CSMD1: variants seen among roughly 807,000 people sequenced by gnomAD.
The protein encoded by CSMD1 is CUB and sushi domain-containing protein 1.
A neutral mutation model predicts 417.5 loss-of-function variants in CSMD1; 213 were observed. That is an observed-to-expected ratio of 0.51 (90% CI 0.46 to 0.57). The LOEUF is 0.57. Among genes scored for constraint, CSMD1 ranks in the 20% least tolerant of loss-of-function variants. CSMD1 has a pLI of 0.00. For missense variants in CSMD1, 6,923 were observed against 4,529.7 expected (o/e 1.53, Z -15.17); for synonymous variants, 2,862 against 1,736.8 (o/e 1.65, Z -16.11).
intron 26 of CSMD1, among the ~76,000 whole-genome samples, chr8:3,240,784 A>G (rs1265674073): frequency 1.3e-5 from 2 of 152,190 alleles, no homozygotes; most frequent in Admixed American, 1.3e-4. Context: ...GTGGATAGGC[A>G]AAACAATCTG....
chr8:4,966,212 A>G, intron 1 of CSMD1, among the ~76,000 whole-genome samples: 1 of 130,632 alleles, frequency 7.7e-6, no homozygotes, highest in African/African-American at 2.7e-5. Flanking sequence ...AAATATACAA[A>G]AAAAAAAAAA....
chr8:4,180,252 A>G (rs972370222), intron 3 of CSMD1, among the ~76,000 whole-genome samples: 5 of 152,116 alleles, frequency 3.3e-5, no homozygotes, highest in Admixed American at 3.3e-4. Flanking sequence ...CAGCAATAAA[A>G]AATGATGAGT....
chr8:4,281,104 A>G (rs62478566), intron 3 of CSMD1, among the ~76,000 whole-genome samples: 17,017 of 152,218 alleles, frequency 0.11, 1,195 homozygotes, highest in Non-Finnish European at 0.16. Context: ...CCAGGATGGT[A>G]TGAGGCCTCT....
intron 40 of CSMD1, among the ~76,000 whole-genome samples, chr8:3,148,377 T>C (rs565168062): frequency 6.6e-6 from 1 of 152,160 alleles, no homozygotes; most frequent in Non-Finnish European, 1.5e-5. Context: ...CTGACAAGAA[T>C]AAGGCAAGGT....
chr8:3,049,932 C>T (rs112533879), intron 50 of CSMD1, among the ~76,000 whole-genome samples: 1 of 151,942 alleles, frequency 6.6e-6, no homozygotes, highest in Non-Finnish European at 1.5e-5. Flanking sequence ...AAACTACTCT[C>T]GAGAACAACG....
At chr8:4,900,068 G>C (rs556183338) in intron 1 of CSMD1, among the ~76,000 whole-genome samples, 29 of 152,104 alleles carry the variant, frequency 1.9e-4, no homozygotes, top group African/African-American at 6.5e-4. Context: ...CTCCATCTCT[G>C]GTAGTTCCTT....
At chr8:3,996,294 G>A (rs972601434) in intron 5 of CSMD1, among the ~76,000 whole-genome samples, 11 of 152,120 alleles carry the variant, frequency 7.2e-5, no homozygotes, top group African/African-American at 2.7e-4. Flanking sequence ...TATAACTTCT[G>A]AGAATGAGTC....
intron 3 of CSMD1, among the ~76,000 whole-genome samples, chr8:4,269,120 G>C (rs1047679913): frequency 1.3e-5 from 2 of 152,138 alleles, no homozygotes; most frequent in African/African-American, 2.4e-5. Context: ...GCAGTGGTGT[G>C]ATCTTGGCTC....
chr8:3,693,823 T>C (rs933965516), intron 7 of CSMD1, among the ~76,000 whole-genome samples: 24 of 150,924 alleles, frequency 1.6e-4, no homozygotes, highest in East Asian at 1.4e-3. Context: ...GTGTTTGTTA[T>C]GGTGTGTGTG....
At chr8:4,041,104 C>G (rs367665493) in intron 3 of CSMD1, among the ~76,000 whole-genome samples, 1 of 149,946 alleles carries the variant, frequency 6.7e-6, no homozygotes, top group Admixed American at 6.6e-5. Context: ...GCAAGCTCCG[C>G]CTCCCGGGTT....
At chr8:4,058,950 C>T (rs1227860384) in intron 3 of CSMD1, among the ~76,000 whole-genome samples, 1 of 152,056 alleles carries the variant, frequency 6.6e-6, no homozygotes, top group Non-Finnish European at 1.5e-5. Flanking sequence ...GCCTAACAGA[C>T]ATCTACAGAA....
intron 2 of CSMD1, among the ~76,000 whole-genome samples, chr8:4,477,087 G>A (rs968760736): frequency 1.3e-5 from 2 of 152,204 alleles, no homozygotes; most frequent in Admixed American, 6.5e-5. Flanking sequence ...GGGAAGAGCA[G>A]GTGTGAGCAC....
chr8:3,050,939 A>T (rs1225093841), intron 50 of CSMD1, among the ~76,000 whole-genome samples: 1 of 152,196 alleles, frequency 6.6e-6, no homozygotes, highest in Non-Finnish European at 1.5e-5. Flanking sequence ...TAAATAAGTA[A>T]AAAAATAGCA....
chr8:4,690,958 A>ACAAT, intron 1 of CSMD1, among the ~76,000 whole-genome samples: 1 of 152,096 alleles, frequency 6.6e-6, no homozygotes, highest in Non-Finnish European at 1.5e-5. Context: ...TGCTCTCTTG[A>ACAAT]GCTCATGATC....
chr8:3,012,002 G>A (rs1418948541), intron 52 of CSMD1, among the ~76,000 whole-genome samples: 1 of 152,200 alleles, frequency 6.6e-6, no homozygotes, highest in Non-Finnish European at 1.5e-5. Flanking sequence ...CTGTGGCCTG[G>A]GGAGAGGTGT....
At chr8:3,854,824 C>G (rs560516432) in intron 5 of CSMD1, among the ~76,000 whole-genome samples, 2 of 151,758 alleles carry the variant, frequency 1.3e-5, no homozygotes, top group African/African-American at 4.8e-5. Flanking sequence ...TATTACTAAA[C>G]ATAACAAAAA....
chr8:4,731,869 A>G (rs140539272), intron 1 of CSMD1, among the ~76,000 whole-genome samples: 2,139 of 152,258 alleles, frequency 0.014, 21 homozygotes, highest in Non-Finnish European at 0.022. Context: ...TTAGTACTGT[A>G]TTTTTATTCT....
chr8:4,427,900 G>A (rs899840423), intron 2 of CSMD1, among the ~76,000 whole-genome samples: 4 of 152,002 alleles, frequency 2.6e-5, no homozygotes, highest in African/African-American at 7.3e-5. Context: ...AATGTCTCTA[G>A]GGCACAGACT....
chr8:3,791,901 T>C (rs77590252), intron 5 of CSMD1, among the ~76,000 whole-genome samples: 4 of 152,078 alleles, frequency 2.6e-5, no homozygotes, highest in Admixed American at 6.6e-5. Flanking sequence ...GTTTTTGGCA[T>C]TGAAAGTAAT....
Sources: allele counts gnomAD v4.1 joint callset (sites outside exome capture counted in the v4.1 genomes callset), GRCh38; gene constraint gnomAD v4.1.1; transcripts MANE v1.5; gene names NCBI Gene and HGNC (gene_info 2026-07-23, HGNC 2026-07-21).